LPP: variants seen among roughly 807,000 people sequenced by gnomAD.
LPP encodes LIM domain containing preferred translocation partner in lipoma.
Under a neutral mutation model 60.4 loss-of-function variants are expected in LPP, and 38 were observed. The observed-to-expected ratio is 0.63, with a 90% CI of 0.49 to 0.83. The LOEUF (loss-of-function observed/expected upper bound fraction) is 0.83. Among genes scored for constraint, LPP ranks in the 40% least tolerant of loss-of-function variants. The pLI is 0.00. For synonymous variants in LPP, 328 were observed against 290.8 expected (o/e 1.13, Z -1.30); for missense variants, 902 against 783.6 (o/e 1.15, Z -1.80).
Position 188,884,198 on chromosome 3 carries a change from T to C in LPP, c.*9719T>C. ...CTATTCTAGAAGAGAAAGCTGAGGC[T>C]CAAGCCATTAAGTGACTTGCCAAAA... is the stretch of plus-strand genomic sequence containing the variant. On this transcript the variant is annotated 3_prime_UTR_variant, in exon 12 of 12. Coordinates refer to ENST00000617246, the MANE Select transcript of LPP (RefSeq NM_001375462.1). 4.4e-6 allele frequency: 1 copy of C among 229,002 alleles called. No homozygotes were observed. The highest frequency in any genetic ancestry group is 6.2e-5 in the East Asian group (1 of 16,038). 14.2% of individuals were successfully genotyped at this position (229,002 alleles called of 1,614,324 possible).
intron 4 of LPP, among the ~76,000 whole-genome samples, chr3:188,478,244 A>G (rs1267527916): frequency 6.6e-6 from 1 of 152,204 alleles, no homozygotes; most frequent in Non-Finnish European, 1.5e-5. Flanking sequence ...ATTGTCATGT[A>G]TAATGTAGAC....
chr3:188,574,533 AG>A (rs1294478832), intron 6 of LPP, among the ~76,000 whole-genome samples: 5 of 152,212 alleles, frequency 3.3e-5, no homozygotes, highest in African/African-American at 7.2e-5. Context: ...ATTCAAGAAT[AG>A]TATCTCTTCC....
intron 4 of LPP, among the ~76,000 whole-genome samples, chr3:188,469,482 AG>A (rs1289662756): frequency 5.9e-5 from 9 of 152,136 alleles, no homozygotes; most frequent in African/African-American, 1.9e-4. Flanking sequence ...TGTCCATTAA[AG>A]AAAAAAGTGA....
intron 2 of LPP, among the ~76,000 whole-genome samples, chr3:188,339,939 C>A (rs553486303): frequency 6.6e-6 from 1 of 152,198 alleles, no homozygotes; most frequent in African/African-American, 2.4e-5. Context: ...TAATGTGTCA[C>A]CTTCTGGTTA....
intron 7 of LPP, among the ~76,000 whole-genome samples, chr3:188,668,639 A>G (rs1329055991): frequency 6.6e-6 from 1 of 152,220 alleles, no homozygotes; most frequent in Non-Finnish European, 1.5e-5. Context: ...TGATGCATCA[A>G]TCTGCGGATA....
At chr3:188,349,836 A>G (rs1001433449) in intron 3 of LPP, among the ~76,000 whole-genome samples, 16 of 152,368 alleles carry the variant, frequency 1.1e-4, no homozygotes, top group Non-Finnish European at 2.2e-4. Flanking sequence ...GAATTGCTGC[A>G]CTGCAAATTT....
At chr3:188,240,497 T>C (rs188042898) in intron 2 of LPP, among the ~76,000 whole-genome samples, 2 of 152,262 alleles carry the variant, frequency 1.3e-5, no homozygotes, top group African/African-American at 2.4e-5. Flanking sequence ...GTCTTATACG[T>C]ACTGAATTTG....
intron 4 of LPP, among the ~76,000 whole-genome samples, chr3:188,457,759 A>AG (rs1798082374): frequency 7.0e-6 from 1 of 142,690 alleles, no homozygotes; most frequent in Non-Finnish European, 1.6e-5. Context: ...TATATATAAA[A>AG]TTAGCCAGGC....
At chr3:188,524,305 G>A (rs926997343) in intron 5 of LPP, among the ~76,000 whole-genome samples, 2 of 152,214 alleles carry the variant, frequency 1.3e-5, no homozygotes, top group African/African-American at 2.4e-5. Context: ...ATTCTAGGCA[G>A]TGGTGTCTAA....
intron 7 of LPP, among the ~76,000 whole-genome samples, chr3:188,644,700 T>G (rs1850789517): frequency 6.6e-6 from 1 of 152,158 alleles, no homozygotes; most frequent in African/African-American, 2.4e-5. Flanking sequence ...GCCAAAATTT[T>G]TTATCAGAAA....
At chr3:188,221,431 T>TG (rs1158566275) in intron 1 of LPP, among the ~76,000 whole-genome samples, 2 of 152,178 alleles carry the variant, frequency 1.3e-5, no homozygotes, top group Non-Finnish European at 2.9e-5. Context: ...CACCTACACC[T>TG]GCTAGGTCCA....
chr3:188,345,442 A>T (rs1473940968), intron 3 of LPP, among the ~76,000 whole-genome samples: 1 of 152,070 alleles, frequency 6.6e-6, no homozygotes, highest in Admixed American at 6.6e-5. Flanking sequence ...CCTTTTCTGA[A>T]TCAGTGAATT....
At chr3:188,584,418 T>G (rs899480615) in intron 6 of LPP, 1 of 152,160 alleles carries the variant, frequency 6.6e-6, no homozygotes, top group African/African-American at 2.4e-5. Context: ...TAATCTGCTG[T>G]TAAAACTGAC....
At chr3:188,745,791 T>A (rs1264165807) in intron 8 of LPP, among the ~76,000 whole-genome samples, 1 of 152,090 alleles carries the variant, frequency 6.6e-6, no homozygotes, top group Non-Finnish European at 1.5e-5. Context: ...TTGGTGGGGA[T>A]CAATAGAGCA....
intron 2 of LPP, among the ~76,000 whole-genome samples, chr3:188,276,466 G>T (rs1306829684): frequency 1.3e-5 from 2 of 152,282 alleles, no homozygotes; most frequent in African/African-American, 2.4e-5. Context: ...GGGGGCTGAT[G>T]CTTGGATATT....
chr3:188,873,479 C>T (rs1296402022), intron 11 of LPP, among the ~76,000 whole-genome samples: 1 of 152,128 alleles, frequency 6.6e-6, no homozygotes, highest in Non-Finnish European at 1.5e-5. Context: ...CTATTTTCTC[C>T]AAAGACAAAG....
chr3:188,248,883 A>C (rs1728073057), intron 2 of LPP, among the ~76,000 whole-genome samples: 1 of 152,210 alleles, frequency 6.6e-6, no homozygotes, highest in Non-Finnish European at 1.5e-5. Context: ...GATAAAGCTC[A>C]TCTTCCAACT....
intron 9 of LPP, among the ~76,000 whole-genome samples, chr3:188,798,077 T>G (rs934095324): frequency 6.8e-6 from 1 of 146,384 alleles, no homozygotes; most frequent in Non-Finnish European, 1.5e-5. Flanking sequence ...AAGGCCACTT[T>G]ATATCCTTCA....
chr3:188,213,421 A>T (rs986562959), intron 1 of LPP, among the ~76,000 whole-genome samples: 6 of 152,260 alleles, frequency 3.9e-5, no homozygotes, highest in Admixed American at 3.9e-4. Context: ...ATTATGTGGG[A>T]TTAGAACCCA....
Sources: gnomAD v4.1 joint callset for allele counts (sites outside exome capture counted in the v4.1 genomes callset) on GRCh38, gnomAD v4.1.1 for gene constraint, MANE v1.5 for transcripts, NCBI Gene and HGNC (gene_info 2026-07-23, HGNC 2026-07-21) for gene names.